MRC1: variants seen among roughly 807,000 people sequenced by gnomAD.
The protein encoded by MRC1 is macrophage mannose receptor 1.
Under a neutral mutation model 102.9 loss-of-function variants are expected in MRC1, and 62 were observed. The observed-to-expected ratio is 0.60, with a 90% CI of 0.49 to 0.74. MRC1 has a LOEUF of 0.74. Among genes scored for constraint, MRC1 ranks in the 30% least tolerant of loss-of-function variants. The pLI is 0.00. For synonymous variants in MRC1, 457 were observed against 298.4 expected, an observed-to-expected ratio of 1.53 and a Z score of -5.48; for missense variants, 1,237 against 862.8, an observed-to-expected ratio of 1.43 and a Z score of -5.43.
chr10:17,894,225 A>G lies in MRC1; in HGVS notation c.3163A>G (p.Ile1055Val). The part of the protein sequence containing the change: ...LSYEDADCVV[I>V]IGGASNEAGK... ...AAATATACAGGCTGACTGTGTTGTTATTATTGGAGGTGCATCAAATGAAGC... is the reference window on the plus strand; with the variant it reads ...AAATATACAGGCTGACTGTGTTGTTGTTATTGGAGGTGCATCAAATGAAGC... The change falls in exon 23 of 30, where the codon ATT becomes GTT. Residue 1055 changes from isoleucine (I) to valine (V), a missense_variant. Transcript: ENST00000569591. 1 of 872,398 alleles carries G rather than the reference A, an allele frequency of 1.1e-6. No homozygotes were observed. The highest frequency in any genetic ancestry group is 1.3e-5 in the South Asian group (1 of 76,506). The allele number at this position is 872,398 out of a possible 1,614,324, so 54.0% of individuals were successfully genotyped here.
At chr10:17,876,468 G>T (rs1202493981) in intron 17 of MRC1, among the ~76,000 whole-genome samples, 1 of 152,028 alleles carries the variant, frequency 6.6e-6, no homozygotes, top group Non-Finnish European at 1.5e-5. Flanking sequence ...AGCTGACCTT[G>T]AACTCCTGAC....
chr10:17,901,853 C>A lies in MRC1; in HGVS notation c.3650-120C>A. The stretch of plus-strand genomic sequence containing the variant: ...ATAAATATGGTGATCCAAATGATAA[C>A]CATTGGAAGATTTTTTAAAATAATG... On this transcript the variant is annotated intron_variant, in intron 25 of 29. Transcript: ENST00000569591. The A allele has an allele frequency of 2.6e-6, 2 of 762,898 alleles. 1 individual carries two copies. The highest frequency in any genetic ancestry group is 2.8e-5 in the South Asian group (2 of 70,520). 47.3% of individuals were successfully genotyped at this position (762,898 alleles called of 1,614,324 possible).
At chr10:17,812,045 C>G (rs1028543547) in intron 1 of MRC1, among the ~76,000 whole-genome samples, 3 of 152,188 alleles carry the variant, frequency 2.0e-5, no homozygotes, top group Non-Finnish European at 4.4e-5. Flanking sequence ...ATGGGAAGGT[C>G]TCCCTACTTG....
intron 3 of MRC1, among the ~76,000 whole-genome samples, chr10:17,832,735 C>T (rs1446839150): frequency 6.6e-6 from 1 of 150,832 alleles, no homozygotes; most frequent in Non-Finnish European, 1.5e-5. Context: ...CTACAGGCGC[C>T]CGCCACCACG....
chr10:17,899,913 A>G (rs1833805074), intron 24 of MRC1, among the ~76,000 whole-genome samples: 1 of 151,984 alleles, frequency 6.6e-6, no homozygotes, highest in Non-Finnish European at 1.5e-5. Context: ...AGCCTGGCAA[A>G]CATGGTGAAA....
chr10:17,822,663 T>A (rs1054676962), intron 1 of MRC1, among the ~76,000 whole-genome samples: 13 of 152,302 alleles, frequency 8.5e-5, no homozygotes, highest in Admixed American at 6.5e-4. Context: ...AGGACATACA[T>A]GCATTTAATT....
rs1554838381 is a variant in MRC1 at position 17,823,149 on chromosome 10, C to T, written c.137C>T (p.Thr46Ile). Residue 46 changes from threonine (T) to isoleucine (I), a missense_variant, in exon 2 of 30, where the codon ACC becomes ATC. Thr to Ile is a moderately conservative substitution (Grantham distance 89, BLOSUM62 -1). Coordinates refer to ENST00000569591, the MANE Select transcript of MRC1 (RefSeq NM_002438.4). ...GCAGTGAGTCCCAGTGCCGTCCAAA[C>T]CGCAGCTTGCAACCAGGATGCCGAA... is the stretch of plus-strand genomic sequence containing the variant. The part of the protein sequence containing the change: ...VDAVSPSAVQ[T>I]AACNQDAESQ... 1.3e-6 allele frequency: 1 copy of T among 780,880 alleles called. No individual in the cohort carries two copies. Among genetic ancestry groups the T allele is most frequent in the East Asian group, 2.4e-5 (1 of 41,264 alleles). The allele number at this position is 780,880 out of a possible 1,614,324, so 48.4% of individuals were successfully genotyped here.
chr10:17,851,384 T>A (rs1472718535), intron 7 of MRC1, among the ~76,000 whole-genome samples: 1 of 152,120 alleles, frequency 6.6e-6, no homozygotes, highest in Non-Finnish European at 1.5e-5. Flanking sequence ...CTAGAAATTT[T>A]TTTTTACATA....
Position 17,827,372 on chromosome 10 carries a change from C to CAAAAAAAAAAAAAAAAAAAAAAAAAAAA in MRC1, c.464-159_464-132dup, listed in dbSNP as rs782616938. Among the ~76,000 whole-genome samples, 5 of 64,052 alleles carry CAAAAAAAAAAAAAAAAAAAAAAAAAAAA rather than the reference C, an allele frequency of 7.8e-5. 2 individuals are homozygous for CAAAAAAAAAAAAAAAAAAAAAAAAAAAA. Among genetic ancestry groups the CAAAAAAAAAAAAAAAAAAAAAAAAAAAA allele is most frequent in the Admixed American group, 4.0e-4 (2 of 4,968 alleles). The allele number at this position is 64,052 out of a possible 152,430, so 42.0% of individuals were successfully genotyped here. On this transcript the variant is annotated intron_variant, in intron 2 of 29. Transcript: ENST00000569591. ...TAGAAGGAGAAGGAAAAAAAATACCCAAAAAAAAAAAAAAAAAAAAAAAAA... is the reference window on the plus strand; with the variant it reads ...TAGAAGGAGAAGGAAAAAAAATACCCAAAAAAAAAAAAAAAAAAAAAAAAAAAAAAAAAAAAAAAAAAAAAAAAAAAAA...
intron 7 of MRC1, among the ~76,000 whole-genome samples, chr10:17,850,387 G>A (rs940155926): frequency 6.6e-6 from 1 of 151,662 alleles, no homozygotes; most frequent in South Asian, 2.1e-4. Context: ...GATAGCTTGA[G>A]CCCAGGAGTT....
At chr10:17,891,402 G>A (rs1247625877) in intron 22 of MRC1, among the ~76,000 whole-genome samples, 3 of 152,030 alleles carry the variant, frequency 2.0e-5, no homozygotes, top group Admixed American at 6.6e-5. Context: ...TCCTGACCTC[G>A]TGATCTGCCC....
chr10:17,842,905 A>C (rs1378557437), intron 5 of MRC1, among the ~76,000 whole-genome samples: 1 of 152,254 alleles, frequency 6.6e-6, no homozygotes, highest in Non-Finnish European at 1.5e-5. Flanking sequence ...GCAAGATTAA[A>C]TCACCTTGCG....
chr10:17,822,704 T>A (rs1286537811), intron 1 of MRC1, among the ~76,000 whole-genome samples: 1 of 152,214 alleles, frequency 6.6e-6, no homozygotes, highest in Non-Finnish European at 1.5e-5. Context: ...ATTACCCAAA[T>A]TTTCTTTTCC....
rs1162885383 is a variant in MRC1 at position 17,875,219 on chromosome 10, A to T, written c.2516A>T (p.Gln839Leu). The change falls in exon 17 of 30, where the codon CAA (glutamine) becomes CTA (leucine). Residue 839 changes from glutamine to leucine, a missense_variant. Transcript: ENST00000569591. ...AATTTTGGTGATCTTGTTTCTATTCAAAGTGAAAGTGAAAAGAAGTTTCTA... is the reference window on the plus strand; with the variant it reads ...AATTTTGGTGATCTTGTTTCTATTCTAAGTGAAAGTGAAAAGAAGTTTCTA... Reference protein sequence around the residue: ...KRNFGDLVSIQSESEKKFLWK... With the variant: ...KRNFGDLVSILSESEKKFLWK... 1.3e-6 allele frequency: 1 copy of T among 780,714 alleles called. No homozygotes were observed. Among genetic ancestry groups the T allele is most frequent in the Non-Finnish European group, 2.4e-6 (1 of 417,946 alleles). The allele number at this position is 780,714 out of a possible 1,614,324, so 48.4% of individuals were successfully genotyped here.
intron 1 of MRC1, among the ~76,000 whole-genome samples, chr10:17,819,457 G>C (rs1554838112): frequency 5.7e-5 from 2 of 35,028 alleles, no homozygotes; most frequent in Non-Finnish European, 1.3e-4. Context: ...AGTTGTATGT[G>C]TGTGTGTGTG....
Position 17,863,674 on chromosome 10 carries a change from A to T in MRC1, c.1775A>T (p.Asp592Val). ...GTTCGGTTCACCCACTGGAATTCAG[A>T]TATGCCAGGTACGGGCAGCGCTTAG... ...EEVRFTHWNS[D>V]MPGRKPGCVA... The change falls in exon 11 of 30, where the codon GAT becomes GTT. Residue 592 changes from aspartate to valine, a missense_variant. Asp to Val is a radical substitution (Grantham distance 152). Transcript: ENST00000569591. 2 of 780,832 alleles carry T rather than the reference A, an allele frequency of 2.6e-6. No homozygotes were observed. Among genetic ancestry groups the T allele is most frequent in the Non-Finnish European group, 4.8e-6 (2 of 417,958 alleles). 48.4% of individuals were successfully genotyped at this position (780,832 alleles called of 1,614,324 possible). A position where few individuals can be genotyped will look rare whatever the true frequency, so the allele number is the denominator to read the frequency against.
intron 21 of MRC1, among the ~76,000 whole-genome samples, chr10:17,884,581 C>T (rs1833563842): frequency 6.6e-6 from 1 of 152,190 alleles, no homozygotes; most frequent in Non-Finnish European, 1.5e-5. Flanking sequence ...TGTCCTTCTT[C>T]ACATGGTGGC....
chr10:17,885,086 C>T (rs1379531363), intron 21 of MRC1, among the ~76,000 whole-genome samples, 183 bp from the exon 22 acceptor site: 2 of 152,144 alleles, frequency 1.3e-5, no homozygotes, highest in African/African-American at 4.8e-5. Flanking sequence ...TTTCAAAGTC[C>T]AAAGCGCAAG....
At chr10:17,855,918 C>G (rs1833083014) in intron 8 of MRC1, among the ~76,000 whole-genome samples, 3 of 152,056 alleles carry the variant, frequency 2.0e-5, no homozygotes, top group Admixed American at 2.0e-4. Context: ...CCTGTAATCC[C>G]AGCACTTTGG....
Sources: allele counts gnomAD v4.1 joint callset (sites outside exome capture counted in the v4.1 genomes callset), GRCh38; gene constraint gnomAD v4.1.1; transcripts MANE v1.5; gene names NCBI Gene and HGNC (gene_info 2026-07-23, HGNC 2026-07-21).